Variants in PCDHA4 observed in about 807,000 individuals in gnomAD.
PCDHA4 encodes the protein protocadherin alpha 4, also known as protocadherin alpha-4.
PCDHA4 carries 49 observed loss-of-function variants against 61.4 expected under a neutral mutation model. The ratio of observed to expected loss-of-function variants is 0.80; its 90% CI spans 0.63 to 1.01. The LOEUF (loss-of-function observed/expected upper bound fraction) is 1.01. Ranked by LOEUF, PCDHA4 falls within the 50% of genes least tolerant of loss-of-function variation. PCDHA4 has a pLI of 0.00. For synonymous variants in PCDHA4, 590 were observed against 550.3 expected (o/e 1.07, Z -1.01); for missense variants, 1,254 against 1,235.8 (o/e 1.01, Z -0.22).
chr5:140,848,892 T>C, intron 1 of PCDHA4: 1 of 1,601,494 alleles, frequency 6.2e-7, no homozygotes, highest in East Asian at 2.2e-5. Context: ...CCCTCCAGTG[T>C]TCCCAGCGAC....
At chr5:140,891,196 A>C (rs1043715116) in intron 1 of PCDHA4, among the ~76,000 whole-genome samples, 5 of 151,974 alleles carry the variant, frequency 3.3e-5, no homozygotes, top group Non-Finnish European at 7.4e-5. Context: ...GATATTTTGC[A>C]GTTTTACCAT....
intron 1 of PCDHA4, among the ~76,000 whole-genome samples, chr5:140,971,291 C>T (rs541777110): frequency 1.1e-4 from 17 of 152,164 alleles, no homozygotes; most frequent in Admixed American, 3.3e-4. Flanking sequence ...TTAATATGTA[C>T]TTTGGTACAC....
chr5:140,968,257 T>A (rs781932747), intron 1 of PCDHA4: 1 of 1,614,064 alleles, frequency 6.2e-7, no homozygotes, highest in Non-Finnish European at 8.5e-7. Flanking sequence ...CAGACCCAGA[T>A]GAAAAGGAGA....
intron 1 of PCDHA4, among the ~76,000 whole-genome samples, chr5:140,960,713 A>C (rs1272219565): frequency 6.6e-6 from 1 of 150,862 alleles, no homozygotes; most frequent in Non-Finnish European, 1.5e-5. Context: ...CCAAATACTC[A>C]TCTTATTTTA....
At chr5:141,000,757 C>A (rs1236279352) in intron 3 of PCDHA4, among the ~76,000 whole-genome samples, 1 of 151,158 alleles carries the variant, frequency 6.6e-6, no homozygotes, top group Non-Finnish European at 1.5e-5. Flanking sequence ...AAAAAAAAAT[C>A]TTAGCCAGGC....
At chr5:140,815,440 T>G (rs1765727094) in intron 1 of PCDHA4, 1 of 152,156 alleles carries the variant, frequency 6.6e-6, no homozygotes, top group Non-Finnish European at 1.5e-5. Context: ...GCATCTTTAC[T>G]ACAATCACAA....
intron 1 of PCDHA4, chr5:140,967,256 G>T: frequency 6.2e-7 from 1 of 1,613,524 alleles, no homozygotes; most frequent in Non-Finnish European, 8.5e-7. Flanking sequence ...GGTGGCGCCT[G>T]GAGCGCGCTT....
chr5:140,884,060 G>C (rs781956914), intron 1 of PCDHA4: 4 of 1,613,548 alleles, frequency 2.5e-6, no homozygotes, highest in Non-Finnish European at 3.4e-6. Context: ...GCGCGCGGTG[G>C]ACGCCGATTC....
chr5:140,905,158 T>C (rs2071634583), intron 1 of PCDHA4, among the ~76,000 whole-genome samples: 1 of 152,256 alleles, frequency 6.6e-6, no homozygotes, highest in South Asian at 2.1e-4. Context: ...TTTAGAATTT[T>C]CATGGTTTCA....
rs1580988971 is a variant in PCDHA4, at chr5:140,842,089, C to T, written c.2385+32517C>T. ...AAGTAAGAATATTCGAAAACGCAGA[C>T]AACGGAACAACAGTTATCAAACTGA... is the stretch of plus-strand genomic sequence containing the variant. On this transcript the variant is annotated intron_variant, in intron 1 of 3. Transcript: ENST00000530339. The T allele has an allele frequency of 1.9e-6, 3 of 1,613,894 alleles. No homozygotes were observed. The East Asian group carries it at 6.7e-5, about 36-fold the overall frequency.
intron 1 of PCDHA4, among the ~76,000 whole-genome samples, chr5:140,902,546 A>G (rs1456804685): frequency 6.6e-6 from 1 of 152,088 alleles, no homozygotes; most frequent in Non-Finnish European, 1.5e-5. Context: ...TGTTCCTTCT[A>G]TACCCAGATT....
rs79247475 is a variant in PCDHA4 at position 140,982,540 on chromosome 5, C to G, written c.2510C>G (p.Pro837Arg). The G allele has an allele frequency of 4.3e-3, 6,927 of 1,614,122 alleles. 34 individuals are homozygous for G. The highest frequency in any genetic ancestry group is 5.0e-3 in the South Asian group (455 of 91,080). Residue 837 changes from proline to arginine, a missense_variant, in exon 3 of 4, where the codon CCA becomes CGA. Physicochemically the swap from Pro to Arg is moderately radical, Grantham distance 103. Transcript: ENST00000530339. ...AGPGGPDQQW[P>R]TVSSATPEPE... ...CCAGGAGGGCCTGATCAGCAGTGGC[C>G]AACAGTATCCAGTGCAACACCAGGT...
chr5:140,842,398 A>T, intron 1 of PCDHA4: 1 of 1,611,514 alleles, frequency 6.2e-7, no homozygotes, highest in Admixed American at 1.7e-5. Flanking sequence ...CCTTGCCTGT[A>T]CGTGAAGACG....
In PCDHA4 at chr5:140,875,872, A is replaced by C. The variant is rs1554168004; in HGVS notation, c.2385+66300A>C. Reference sequence around the variant, plus strand: ...CATTAACGACAACCCGCCGGTGTTCAGAGAAAGGGAACAAAAGGTACCTGT... The same window carrying C: ...CATTAACGACAACCCGCCGGTGTTCCGAGAAAGGGAACAAAAGGTACCTGT... On this transcript the variant is annotated intron_variant, in intron 1 of 3. Coordinates refer to ENST00000530339, the MANE Select transcript of PCDHA4 (RefSeq NM_018907.4). 1.9e-6 allele frequency: 3 copies of C among 1,614,224 alleles called. No individual in the cohort carries two copies. In the East Asian group the frequency reaches 6.7e-5, roughly 36 times the overall value.
intron 3 of PCDHA4, among the ~76,000 whole-genome samples, chr5:141,007,512 G>C (rs2098333445): frequency 6.6e-6 from 1 of 152,040 alleles, no homozygotes; most frequent in Admixed American, 6.6e-5. Context: ...AGACTGCAGT[G>C]AGCTGATATC....
intron 1 of PCDHA4, among the ~76,000 whole-genome samples, chr5:140,846,515 C>T (rs2150391789): frequency 6.8e-6 from 1 of 147,842 alleles, no homozygotes; most frequent in Non-Finnish European, 1.5e-5. Flanking sequence ...GCTGGGATTA[C>T]AGGTGCATGC....
intron 1 of PCDHA4, chr5:140,868,387 A>G: frequency 1.3e-5 from 2 of 152,312 alleles, no homozygotes; most frequent in South Asian, 4.1e-4. Context: ...AATGAGAACT[A>G]TAGAAAATAG....
rs543675270 is a variant in PCDHA4 at position 140,877,484 on chromosome 5, A to G, written c.2385+67912A>G. 2.3e-5 allele frequency: 37 copies of G among 1,613,814 alleles called. No individual in the cohort carries two copies. The highest frequency in any genetic ancestry group is 3.1e-5 in the Non-Finnish European group (36 of 1,179,856). On this transcript the variant is annotated intron_variant, in intron 1 of 3. Transcript: ENST00000530339. ...GCCACGGTGCTGGTGTCGCTGGTGG[A>G]GAACGGCCAGGCCCCAAAGACGTCG...
At chr5:140,852,952 C>A in intron 1 of PCDHA4, 1 of 475,904 alleles carries the variant, frequency 2.1e-6, no homozygotes, top group Non-Finnish European at 2.8e-6. Context: ...CATCTTGGCT[C>A]ACTCCAAGCT....
Sources: allele counts gnomAD v4.1 joint callset (sites outside exome capture counted in the v4.1 genomes callset), GRCh38; gene constraint gnomAD v4.1.1; transcripts MANE v1.5; gene names NCBI Gene and HGNC (gene_info 2026-07-23, HGNC 2026-07-21).